The following MCU variants were observed in gnomAD, a reference collection of about 807,000 sequenced individuals.
MCU encodes the protein calcium uniporter protein, mitochondrial.
Under a neutral mutation model 45.2 loss-of-function variants are expected in MCU, and 12 were observed. The ratio of observed to expected loss-of-function variants is 0.27; its 90% CI spans 0.17 to 0.43. The LOEUF is 0.43. MCU is among the 20% of genes least tolerant of loss of function. The pLI is 1.00. For synonymous variants in MCU, 160 were observed against 165.1 expected (o/e 0.97, Z 0.24); for missense variants, 324 against 436.7 (o/e 0.74, Z 2.30).
intron 1 of MCU, among the ~76,000 whole-genome samples, chr10:72,813,843 T>G (rs1332319940): frequency 2.0e-5 from 3 of 152,170 alleles, no homozygotes; most frequent in African/African-American, 4.8e-5. Flanking sequence ...ACACGATTGT[T>G]GTAAACAATT....
chr10:72,864,656 AGTT>A (rs1349023913), intron 4 of MCU, among the ~76,000 whole-genome samples: 1 of 152,182 alleles, frequency 6.6e-6, no homozygotes, highest in Admixed American at 6.5e-5. Context: ...GGCCATTAGT[AGTT>A]AAGTTTTTGA....
At chr10:72,862,051 G>A (rs1247096284) in intron 4 of MCU, among the ~76,000 whole-genome samples, 4 of 146,554 alleles carry the variant, frequency 2.7e-5, no homozygotes, top group Admixed American at 1.4e-4. Context: ...GCACAATATC[G>A]GCTCACTGCA....
intron 1 of MCU, among the ~76,000 whole-genome samples, chr10:72,799,115 C>T (rs751821405): frequency 1.3e-5 from 2 of 149,626 alleles, no homozygotes; most frequent in Non-Finnish European, 1.5e-5. Flanking sequence ...TTAGTAGAGA[C>T]GGGGTTTCAC....
At chr10:72,859,109 G>C in intron 2 of MCU, 68 bp from the exon 3 acceptor site, 1 of 1,397,468 alleles carries the variant, frequency 7.2e-7, no homozygotes, top group Non-Finnish European at 9.7e-7. Context: ...ATGCAAGAAT[G>C]GTAATAATGT....
At chr10:72,865,700 C>T (rs200619868) in intron 4 of MCU, among the ~76,000 whole-genome samples, 54 of 151,130 alleles carry the variant, frequency 3.6e-4, no homozygotes, top group African/African-American at 9.7e-4. Context: ...TGCCACACGC[C>T]GGCAAATTTT....
rs1004470623 is a variant in MCU, at chr10:72,786,179, G to A, written c.151-48180G>A. On this transcript the variant is annotated intron_variant, in intron 1 of 7. Transcript: ENST00000373053. ...TTAGTTAATGTAGTTCTGGCTAGCTGTTTGTGGAATTCTGGCTAGTTTGTT... is the reference window on the plus strand; with the variant it reads ...TTAGTTAATGTAGTTCTGGCTAGCTATTTGTGGAATTCTGGCTAGTTTGTT... Among the ~76,000 whole-genome samples the A allele has an allele frequency of 1.2e-4, 18 of 152,288 alleles. No homozygotes were observed. The East Asian group carries it at 3.1e-3, about 26-fold the overall frequency.
At chr10:72,729,941 TC>T (rs1398157749) in intron 1 of MCU, among the ~76,000 whole-genome samples, 2 of 145,878 alleles carry the variant, frequency 1.4e-5, no homozygotes, top group Non-Finnish European at 3.0e-5. Flanking sequence ...CTCTTCACTC[TC>T]TTCAGCATTC....
intron 1 of MCU, among the ~76,000 whole-genome samples, chr10:72,750,896 T>G (rs1843484458): frequency 1.3e-5 from 2 of 152,282 alleles, no homozygotes; most frequent in Admixed American, 1.3e-4. Context: ...ACATTTATGT[T>G]GCTTATTTAG....
intron 1 of MCU, among the ~76,000 whole-genome samples, chr10:72,708,887 C>G (rs949281049): frequency 1.3e-5 from 2 of 152,078 alleles, no homozygotes; most frequent in African/African-American, 4.8e-5. Flanking sequence ...CTCAGTGGCT[C>G]ACGTTTGTAA....
In MCU at chr10:72,736,945, C is replaced by T. The variant is rs955036242; in HGVS notation, c.150+44644C>T. ...GCTAAAAGAGCTTTCACAGGCTGGT[C>T]GCTTTCAATGTTTAAAAAAAGTTTA... On this transcript the variant is annotated intron_variant, in intron 1 of 7. Coordinates refer to ENST00000373053, the MANE Select transcript of MCU (RefSeq NM_138357.3). Among the ~76,000 whole-genome samples, 7 of 152,282 alleles carry T rather than the reference C, an allele frequency of 4.6e-5. 2 individuals carry two copies. Among genetic ancestry groups the T allele is most frequent in the Middle Eastern group, 3.4e-3 (1 of 294 alleles).
rs566779834 is a variant in MCU at position 72,882,485 on chromosome 10, T to C, written c.862-1781T>C. 1.2e-3 allele frequency among the ~76,000 whole-genome samples: 177 copies of C among 152,202 alleles called. 1 individual carries two copies. Among genetic ancestry groups the C allele is most frequent in the Non-Finnish European group, 1.8e-3 (120 of 67,998 alleles). ...AAGAGAATGCACCCCTGAGGTTGGG[T>C]CTCTAAAATGGCCCCCTTGGGTGTG... On this transcript the variant is annotated intron_variant, in intron 6 of 7. Transcript: ENST00000373053.
At chr10:72,693,092 T>G (rs1034681380) in intron 1 of MCU, 1 of 1,535,420 alleles carries the variant, frequency 6.5e-7, no homozygotes, top group Admixed American at 2.0e-5. Context: ...AGGCAGAGAT[T>G]TGGTGGTTGT....
chr10:72,794,048 A>G (rs1415398677), intron 1 of MCU, among the ~76,000 whole-genome samples: 3 of 152,124 alleles, frequency 2.0e-5, no homozygotes, highest in Non-Finnish European at 2.9e-5. Flanking sequence ...TATCAACTCT[A>G]AGTCTAGGAT....
chr10:72,709,494 T>G (rs1326663473), intron 1 of MCU, among the ~76,000 whole-genome samples: 1 of 152,214 alleles, frequency 6.6e-6, no homozygotes, highest in Non-Finnish European at 1.5e-5. Flanking sequence ...TCTTGATCTG[T>G]TAGTTTCTCT....
intron 1 of MCU, among the ~76,000 whole-genome samples, chr10:72,778,759 T>C (rs1032877706): frequency 1.3e-5 from 2 of 152,136 alleles, no homozygotes; most frequent in African/African-American, 4.8e-5. Context: ...TTTTGACTGT[T>C]AATATAAAAA....
intron 1 of MCU, among the ~76,000 whole-genome samples, chr10:72,712,647 G>C (rs1482056637): frequency 1.3e-5 from 2 of 152,174 alleles, no homozygotes; most frequent in Admixed American, 6.6e-5. Flanking sequence ...CAAAAGAAAA[G>C]TAAGGTCTAG....
intron 1 of MCU, among the ~76,000 whole-genome samples, chr10:72,812,686 G>A (rs1482320005): frequency 6.6e-6 from 1 of 152,164 alleles, no homozygotes. Context: ...GACATAAAGG[G>A]CTGTTTTCTG....
chr10:72,863,927 G>A lies in MCU; in HGVS notation c.496+3400G>A, dbSNP rs546223496. On this transcript the variant is annotated intron_variant, in intron 4 of 7. Coordinates refer to ENST00000373053, the MANE Select transcript of MCU (RefSeq NM_138357.3). ...CACCATGCCCTTCCTATTTTCTATC[G>A]TTTACTACCATAAAATATATACATA... is the stretch of plus-strand genomic sequence containing the variant. 4.6e-5 allele frequency among the ~76,000 whole-genome samples: 7 copies of A among 152,032 alleles called. No individual in the cohort carries two copies. In the East Asian group the frequency reaches 5.8e-4, roughly 13 times the overall value.
chr10:72,784,484 T>C (rs1844042305), intron 1 of MCU, among the ~76,000 whole-genome samples: 1 of 152,198 alleles, frequency 6.6e-6, no homozygotes, highest in African/African-American at 2.4e-5. Flanking sequence ...TGGCTACATT[T>C]GGTTGCAGGA....
Sources: allele counts gnomAD v4.1 joint callset (sites outside exome capture counted in the v4.1 genomes callset), GRCh38; gene constraint gnomAD v4.1.1; transcripts MANE v1.5; gene names NCBI Gene and HGNC (gene_info 2026-07-23, HGNC 2026-07-21).